The following CLIP1 variants were observed in gnomAD, a reference collection of about 807,000 sequenced individuals.
CLIP1 encodes CAP-Gly domain-containing linker protein 1.
Under a neutral mutation model 161.6 loss-of-function variants are expected in CLIP1, and 66 were observed. The ratio of observed to expected loss-of-function variants is 0.41; its 90% confidence interval spans 0.33 to 0.50. The LOEUF (loss-of-function observed/expected upper bound fraction) is 0.50, where lower values mean the gene tolerates loss of function less well. CLIP1 is among the 20% of genes least tolerant of loss of function. The pLI is 0.27. For synonymous variants in CLIP1, 598 were observed against 626.2 expected (o/e 0.96, Z 0.67); for missense variants, 1,376 against 1,702.0 (o/e 0.81, Z 3.37).
intron 1 of CLIP1, among the ~76,000 whole-genome samples, chr12:122,386,088 C>T (rs1319726695): frequency 6.6e-6 from 1 of 152,110 alleles, no homozygotes; most frequent in African/African-American, 2.4e-5. Context: ...GAGTTCGAGA[C>T]CAGCCTGGCC....
At chr12:122,402,762 C>T (rs1412388072) in intron 1 of CLIP1, among the ~76,000 whole-genome samples, 1 of 152,150 alleles carries the variant, frequency 6.6e-6, no homozygotes, top group Non-Finnish European at 1.5e-5. Flanking sequence ...GGTGGCAGCA[C>T]TACATTCCAG....
intron 20 of CLIP1, among the ~76,000 whole-genome samples, chr12:122,303,417 C>G (rs1252157858): frequency 6.6e-6 from 1 of 152,156 alleles, no homozygotes; most frequent in African/African-American, 2.4e-5. Context: ...CAACACCCTT[C>G]CTACCTTATC....
chr12:122,390,034 G>A (rs941916885), intron 1 of CLIP1, among the ~76,000 whole-genome samples: 2 of 148,950 alleles, frequency 1.3e-5, no homozygotes, highest in Middle Eastern at 3.2e-3. Flanking sequence ...CATGTGACGC[G>A]CCTGTTCCCC....
intron 8 of CLIP1, 56 bp from the exon 9 acceptor site, chr12:122,351,199 A>C: frequency 9.2e-7 from 1 of 1,088,456 alleles, no homozygotes; most frequent in Non-Finnish European, 1.3e-6. Context: ...ATTCCAATAA[A>C]GCTTCAATAT....
At position 122,386,823 on chromosome 12, in the gene CLIP1, C is replaced by CAAA. The variant is rs10538864; in HGVS notation, c.-106-6268_-106-6266dup. On this transcript the variant is annotated intron_variant, in intron 1 of 25. Transcript: ENST00000620786. ...GAGACCAGCCCTGGGCAATATGTCTCAAAAAAAAAAAAAAAAAGAGAGAGA... is the reference window on the plus strand; with the variant it reads ...GAGACCAGCCCTGGGCAATATGTCTCAAAAAAAAAAAAAAAAAAAAGAGAGAGA... Among the ~76,000 whole-genome samples the CAAA allele has an allele frequency of 9.4e-3, 1,166 of 124,012 alleles. 27 individuals carry two copies. Among genetic ancestry groups the CAAA allele is most frequent in the Non-Finnish European group, 0.011 (671 of 60,582 alleles). The allele number at this position is 124,012 out of a possible 152,430, so 81.4% of individuals were successfully genotyped here. A position where few individuals can be genotyped will look rare whatever the true frequency, so the allele number is the denominator to read the frequency against.
chr12:122,345,750 G>A (rs1002041413), intron 10 of CLIP1, among the ~76,000 whole-genome samples: 3 of 151,840 alleles, frequency 2.0e-5, no homozygotes, highest in East Asian at 1.9e-4. Context: ...AAAAGGGTAT[G>A]TGACTACATA....
In CLIP1 at chr12:122,365,423, C is replaced by G. The variant is rs190753389; in HGVS notation, c.658-1316G>C. 15 of 786,160 alleles carry G rather than the reference C, an allele frequency of 1.9e-5. 2 individuals carry two copies. The Admixed American group carries it at 2.6e-4, about 13-fold the overall frequency. 48.7% of individuals were successfully genotyped at this position (786,160 alleles called of 1,614,324 possible). A position where few individuals can be genotyped will look rare whatever the true frequency, so the allele number is the denominator to read the frequency against. ...GATTCTTGCCAAGAGAAATAATGTG[C>G]GTATGGAGCACATTAAGCACTCTAA... On this transcript the variant is annotated intron_variant, in intron 3 of 25. Coordinates refer to ENST00000620786, the MANE Select transcript of CLIP1 (RefSeq NM_001247997.2).
intron 5 of CLIP1, among the ~76,000 whole-genome samples, chr12:122,359,863 C>G (rs1361088346): frequency 1.3e-5 from 2 of 152,168 alleles, no homozygotes; most frequent in Non-Finnish European, 2.9e-5. Context: ...CAGCGGAGAC[C>G]TGAACTCAGT....
At chr12:122,327,801 A>G in intron 17 of CLIP1, 146 bp downstream of exon 17, 1 of 654,476 alleles carries the variant, frequency 1.5e-6, no homozygotes, top group Non-Finnish European at 2.6e-6. Flanking sequence ...AATGTAATGT[A>G]CCACCCTGCC....
intron 5 of CLIP1, among the ~76,000 whole-genome samples, chr12:122,360,410 C>CAAAAAAAAAAAAAAAAAAAAAAAAAAAAA (rs34294939): frequency 1.1e-5 from 1 of 87,362 alleles, no homozygotes; most frequent in Non-Finnish European, 2.3e-5. Flanking sequence ...CCTCTCTCTA[C>CAAAAAAAAAAAAAAAAAAAAAAAAAAAAA]AAAAAAAAAA....
intron 1 of CLIP1, among the ~76,000 whole-genome samples, chr12:122,419,461 C>A (rs995130821): frequency 2.6e-5 from 4 of 151,954 alleles, no homozygotes; most frequent in Non-Finnish European, 5.9e-5. Flanking sequence ...AATGTGAAGA[C>A]CCTGGCCTTG....
chr12:122,404,542 G>C (rs1956252553), intron 1 of CLIP1, among the ~76,000 whole-genome samples: 1 of 152,082 alleles, frequency 6.6e-6, no homozygotes, highest in Non-Finnish European at 1.5e-5. Flanking sequence ...GGAGGTTGCA[G>C]TGAGCCAAGA....
At position 122,279,188 on chromosome 12, in the gene CLIP1, G is replaced by T; in HGVS notation, c.3648-43C>A. 1.5e-6 allele frequency: 2 copies of T among 1,324,478 alleles called. No homozygotes were observed. Among genetic ancestry groups the T allele is most frequent in the African/African-American group, 1.5e-5 (1 of 68,542 alleles). The allele number at this position is 1,324,478 out of a possible 1,614,324, so 82.0% of individuals were successfully genotyped here. ...TAAAAGTTCCACAAATCAACCGAAA[G>T]ACTGGTCAGTGTACAACTGTTCTAG... On this transcript the variant is annotated intron_variant, in intron 21 of 25. Transcript: ENST00000620786. The surrounding 1 kb of genome is among the most constrained non-coding windows in gnomAD (Gnocchi z 4.5).
intron 15 of CLIP1, among the ~76,000 whole-genome samples, chr12:122,329,464 A>T (rs1485503314): frequency 6.6e-6 from 1 of 151,798 alleles, no homozygotes; most frequent in East Asian, 1.9e-4. Context: ...CCCTCTCTCT[A>T]ATAAAAATAC....
At chr12:122,345,327 T>TA (rs553906559) in intron 10 of CLIP1, among the ~76,000 whole-genome samples, 1 of 151,400 alleles carries the variant, frequency 6.6e-6, no homozygotes, top group Admixed American at 6.6e-5. Context: ...CAGCTAATTT[T>TA]TTTTTTTATT....
intron 3 of CLIP1, among the ~76,000 whole-genome samples, chr12:122,370,998 C>G (rs1230040596): frequency 6.6e-6 from 1 of 151,782 alleles, no homozygotes; most frequent in African/African-American, 2.4e-5. Flanking sequence ...CTCTTCTAAC[C>G]CTGGGGGTTG....
chr12:122,387,343 T>G (rs1416723329), intron 1 of CLIP1, among the ~76,000 whole-genome samples: 1 of 151,972 alleles, frequency 6.6e-6, no homozygotes, highest in South Asian at 2.1e-4. Context: ...CTTGCACTGA[T>G]GGTACAAAAG....
At chr12:122,364,405 C>CT (rs35729680) in intron 3 of CLIP1, among the ~76,000 whole-genome samples, 20,295 of 137,882 alleles carry the variant, frequency 0.15, 1,834 homozygotes, top group East Asian at 0.46. Flanking sequence ...TTAGAAAATA[C>CT]TTTTTTTTTT....
chr12:122,374,191 G>A (rs1023937411), intron 3 of CLIP1, among the ~76,000 whole-genome samples: 1 of 150,630 alleles, frequency 6.6e-6, no homozygotes, highest in Admixed American at 6.6e-5. Context: ...CAAAAATTAG[G>A]CTGGGCGTGG....
Sources: allele counts gnomAD v4.1 joint callset (sites outside exome capture counted in the v4.1 genomes callset), GRCh38; gene constraint gnomAD v4.1.1; non-coding constraint Gnocchi (gnomAD v3.1); transcripts MANE v1.5; gene names NCBI Gene and HGNC (gene_info 2026-07-23, HGNC 2026-07-21).